The following COBL variants were observed in gnomAD, a reference collection of about 807,000 sequenced individuals.
The protein encoded by COBL is protein cordon-bleu.
COBL carries 51 observed loss-of-function variants against 98.8 expected under a neutral mutation model. The observed-to-expected ratio is 0.52, with a 90% CI of 0.41 to 0.65. The LOEUF is 0.65. Ranked by LOEUF, COBL falls within the 30% of genes least tolerant of loss-of-function variation. The pLI, the probability that COBL is intolerant of heterozygous loss-of-function variation, is 0.00. For synonymous variants in COBL, 634 were observed against 651.7 expected, an observed-to-expected ratio of 0.97 and a Z score of 0.41; for missense variants, 1,617 against 1,617.5, an observed-to-expected ratio of 1.00 and a Z score of 0.01.
chr7:51,212,159 T>C (rs1792515674), intron 2 of COBL, among the ~76,000 whole-genome samples: 1 of 152,210 alleles, frequency 6.6e-6, no homozygotes, highest in Admixed American at 6.5e-5. Context: ...TGGTCTCTGA[T>C]TTTAAACTTA....
At chr7:51,026,376 A>G in intron 11 of COBL, among the ~76,000 whole-genome samples, 170 bp downstream of exon 11, 1 of 152,230 alleles carries the variant, frequency 6.6e-6, no homozygotes, top group East Asian at 1.9e-4. Flanking sequence ...CTCTTGGAGC[A>G]GGGTGTCCAC....
At chr7:51,095,743 A>G (rs1480640025) in intron 6 of COBL, among the ~76,000 whole-genome samples, 1 of 152,176 alleles carries the variant, frequency 6.6e-6, no homozygotes, top group Non-Finnish European at 1.5e-5. Context: ...TATGGCCATA[A>G]TTACATCAAA....
At chr7:51,075,908 T>C (rs1437490) in intron 7 of COBL, among the ~76,000 whole-genome samples, 70,516 of 152,020 alleles carry the variant, frequency 0.46, 16,764 homozygotes, top group Middle Eastern at 0.62. Context: ...TTCAGTTCCG[T>C]TTTTTTCTAA....
At chr7:51,055,210 G>A (rs993412508) in intron 7 of COBL, among the ~76,000 whole-genome samples, 3 of 152,178 alleles carry the variant, frequency 2.0e-5, no homozygotes, top group Non-Finnish European at 4.4e-5. Flanking sequence ...GTGTCTCCAG[G>A]GGCCCCAGCG....
chr7:51,055,539 A>G (rs1021693836), intron 7 of COBL, among the ~76,000 whole-genome samples: 5 of 152,138 alleles, frequency 3.3e-5, no homozygotes, highest in South Asian at 2.1e-4. Context: ...ATGGTCTTGC[A>G]CTTGGCCCGT....
chr7:51,222,428 G>A (rs190579025), intron 1 of COBL, among the ~76,000 whole-genome samples: 1 of 152,198 alleles, frequency 6.6e-6, no homozygotes, highest in East Asian at 1.9e-4. Flanking sequence ...ACTTTAAGGA[G>A]GTATTACTGA....
chr7:51,231,074 A>G lies in COBL; in HGVS notation c.42-11130T>C, dbSNP rs374381339. The stretch of plus-strand genomic sequence containing the variant: ...CGCTAACTAGTGAGTGAACTAACAC[A>G]ATGTATTTAACTTCCTTTGGGTTGT... On this transcript the variant is annotated intron_variant, in intron 1 of 12. Transcript: ENST00000265136. Among the ~76,000 whole-genome samples, 88 of 152,272 alleles carry G rather than the reference A, an allele frequency of 5.8e-4. No homozygotes were observed. In the South Asian group the frequency reaches 0.018, roughly 30 times the overall value.
At chr7:51,110,278 A>G (rs985850793) in intron 6 of COBL, among the ~76,000 whole-genome samples, 14 of 152,110 alleles carry the variant, frequency 9.2e-5, no homozygotes, top group African/African-American at 3.4e-4. Context: ...CACCCTGCGC[A>G]GCCTCTGGTA....
intron 7 of COBL, among the ~76,000 whole-genome samples, chr7:51,059,679 G>A (rs552582118): frequency 2.6e-5 from 4 of 152,134 alleles, no homozygotes; most frequent in Admixed American, 1.3e-4. Context: ...GGCCCTGTTC[G>A]CATAAATGAG....
intron 11 of COBL, among the ~76,000 whole-genome samples, chr7:51,026,182 T>C (rs1402561012): frequency 6.6e-6 from 1 of 152,184 alleles, no homozygotes; most frequent in Non-Finnish European, 1.5e-5. Flanking sequence ...ATGCAACAAC[T>C]TTTTTCCAGG....
At chr7:51,145,308 G>A (rs528232400) in intron 5 of COBL, among the ~76,000 whole-genome samples, 17 of 150,824 alleles carry the variant, frequency 1.1e-4, no homozygotes, top group African/African-American at 4.1e-4. Flanking sequence ...GAGCCACCAT[G>A]CCCGGCCTGT....
At chr7:51,206,491 C>CAAAA (rs1216887855) in intron 2 of COBL, among the ~76,000 whole-genome samples, 10 of 101,242 alleles carry the variant, frequency 9.9e-5, no homozygotes, top group South Asian at 6.4e-4. Flanking sequence ...GACTCTGTCT[C>CAAAA]AAAAAAAAAA....
intron 1 of COBL, among the ~76,000 whole-genome samples, chr7:51,312,506 T>C (rs1803155155): frequency 6.6e-6 from 1 of 152,180 alleles, no homozygotes; most frequent in Admixed American, 6.5e-5. Flanking sequence ...AATTACAAAA[T>C]TAAATTTAAT....
At chr7:51,060,380 C>G (rs1791208467) in intron 7 of COBL, among the ~76,000 whole-genome samples, 1 of 152,202 alleles carries the variant, frequency 6.6e-6, no homozygotes, top group Non-Finnish European at 1.5e-5. Context: ...TGCTTCTGAT[C>G]AAGGAACTCG....
intron 5 of COBL, among the ~76,000 whole-genome samples, chr7:51,171,892 T>G (rs146198939): frequency 6.6e-6 from 1 of 152,066 alleles, no homozygotes; most frequent in East Asian, 1.9e-4. Flanking sequence ...TACAGAAGAG[T>G]CTTTCCATGT....
At position 51,092,819 on chromosome 7, in the gene COBL, T is replaced by C. The variant is rs1368219081; in HGVS notation, c.958-7515A>G. On this transcript the variant is annotated intron_variant, in intron 6 of 12. Coordinates refer to ENST00000265136, the MANE Select transcript of COBL (RefSeq NM_015198.5). ...TTTTCTATTTCTTTGAAAAAAGACA[T>C]TGGAATTTTGATAAAAATTGCATTA... Among the ~76,000 whole-genome samples the C allele has an allele frequency of 2.6e-5, 4 of 152,234 alleles. No homozygotes were observed. In the East Asian group the frequency reaches 5.8e-4, roughly 22 times the overall value.
intron 6 of COBL, among the ~76,000 whole-genome samples, chr7:51,097,695 T>C (rs1033664975): frequency 1.3e-5 from 2 of 152,112 alleles, no homozygotes; most frequent in Non-Finnish European, 2.9e-5. Context: ...TAATTTAATT[T>C]GCAGTTGCAT....
chr7:51,108,450 G>T (rs1272348063), intron 6 of COBL, among the ~76,000 whole-genome samples: 1 of 152,202 alleles, frequency 6.6e-6, no homozygotes, highest in Non-Finnish European at 1.5e-5. Context: ...CACGTGCATG[G>T]CTTGGTGCAA....
At chr7:51,033,956 G>A (rs1788386361) in intron 8 of COBL, 1 of 152,360 alleles carries the variant, frequency 6.6e-6, no homozygotes, top group Non-Finnish European at 1.5e-5. Flanking sequence ...AGAAACAGCA[G>A]GAGCCCAGCT....
Sources: allele counts gnomAD v4.1 joint callset (sites outside exome capture counted in the v4.1 genomes callset), GRCh38; gene constraint gnomAD v4.1.1; transcripts MANE v1.5; gene names NCBI Gene and HGNC (gene_info 2026-07-23, HGNC 2026-07-21).